Variants in DGKB observed in about 807,000 individuals in gnomAD.
DGKB encodes the protein diacylglycerol kinase beta.
DGKB carries 67 observed loss-of-function variants against 114.3 expected under a neutral mutation model. The ratio of observed to expected loss-of-function variants is 0.59; its 90% CI spans 0.48 to 0.72. DGKB has a LOEUF of 0.72. Among genes scored for constraint, DGKB ranks in the 30% least tolerant of loss-of-function variants. The pLI is 0.00. For synonymous variants in DGKB, 398 were observed against 323.1 expected (o/e 1.23, Z -2.49); for missense variants, 907 against 975.2 (o/e 0.93, Z 0.93).
At chr7:14,718,461 AT>A in intron 6 of DGKB, 80 bp downstream of exon 6, 5 of 1,300,450 alleles carry the variant, frequency 3.8e-6, no homozygotes, top group Non-Finnish European at 5.2e-6. Context: ...AACTATACTA[AT>A]GCAATTTTAA....
chr7:14,424,215 T>C (rs1460541675), intron 21 of DGKB, among the ~76,000 whole-genome samples: 1 of 152,076 alleles, frequency 6.6e-6, no homozygotes, highest in Non-Finnish European at 1.5e-5. Context: ...ACCTCTGCTC[T>C]TTTTCTGTCC....
intron 21 of DGKB, among the ~76,000 whole-genome samples, chr7:14,382,608 A>T (rs1819666134): frequency 6.6e-6 from 1 of 152,218 alleles, no homozygotes; most frequent in South Asian, 2.1e-4. Context: ...TTACTGCTGT[A>T]TTAAGGGTCA....
intron 1 of DGKB, among the ~76,000 whole-genome samples, chr7:14,917,444 C>A (rs1164821199): frequency 6.6e-6 from 1 of 151,956 alleles, no homozygotes; most frequent in Non-Finnish European, 1.5e-5. Context: ...AAATAGAGGT[C>A]ATCACTGATC....
intron 20 of DGKB, among the ~76,000 whole-genome samples, chr7:14,512,017 TATA>T (rs1788051525): frequency 6.6e-6 from 1 of 152,082 alleles, no homozygotes; most frequent in African/African-American, 2.4e-5. Context: ...CCAAAGCAGA[TATA>T]ATAATGAAAA....
intron 21 of DGKB, among the ~76,000 whole-genome samples, chr7:14,471,596 A>T (rs1466165236): frequency 1.3e-5 from 2 of 151,396 alleles, no homozygotes; most frequent in East Asian, 2.0e-4. Flanking sequence ...ATGTTAAAGA[A>T]TTTTTGTTTG....
chr7:14,508,356 G>A (rs1192654642), intron 20 of DGKB, among the ~76,000 whole-genome samples: 1 of 152,264 alleles, frequency 6.6e-6, no homozygotes, highest in Admixed American at 6.5e-5. Context: ...CGCATAAAAT[G>A]AATAGTACCT....
intron 13 of DGKB, among the ~76,000 whole-genome samples, chr7:14,653,574 T>G (rs1363831728): frequency 1.3e-5 from 2 of 151,874 alleles, no homozygotes; most frequent in African/African-American, 2.4e-5. Flanking sequence ...GTTAGTGGGT[T>G]CAGCGCACCA....
intron 25 of DGKB, chr7:14,176,426 G>A: frequency 1.0e-6 from 1 of 986,446 alleles, no homozygotes; most frequent in Non-Finnish European, 1.2e-6. Flanking sequence ...CCCAAATGGA[G>A]GCATAGAAAA....
intron 1 of DGKB, among the ~76,000 whole-genome samples, chr7:14,889,703 C>A (rs975303289): frequency 6.6e-6 from 1 of 151,368 alleles, no homozygotes; most frequent in South Asian, 2.1e-4. Context: ...TCTAAGCAAT[C>A]TAAAGTAGAA....
At chr7:14,905,901 A>G (rs1783680439), upstream of DGKB, among the ~76,000 whole-genome samples, 1 of 152,144 alleles carries the variant, frequency 6.6e-6, no homozygotes, top group African/African-American at 2.4e-5. Flanking sequence ...GGGTGTTTGA[A>G]TTCTTTTCGT....
chr7:14,725,042 T>C (rs2128369423), intron 5 of DGKB, among the ~76,000 whole-genome samples: 1 of 152,278 alleles, frequency 6.6e-6, no homozygotes, highest in South Asian at 2.1e-4. Flanking sequence ...TGGGGTGGCA[T>C]GCATTTGTAG....
At chr7:14,313,150 TA>T (rs1296375054) in intron 23 of DGKB, among the ~76,000 whole-genome samples, 8 of 152,214 alleles carry the variant, frequency 5.3e-5, no homozygotes, top group Non-Finnish European at 1.2e-4. Context: ...TGCCAAAGAA[TA>T]ATATCCAAAA....
chr7:14,852,487 C>CAAAAACAAAAAAACACAAAA (rs1554304205), intron 1 of DGKB, among the ~76,000 whole-genome samples: 8 of 63,636 alleles, frequency 1.3e-4, no homozygotes, highest in Non-Finnish European at 2.1e-4. Flanking sequence ...TAGTGAAAGT[C>CAAAAACAAAAAAACACAAAA]AAAAAAAAAA....
intron 23 of DGKB, among the ~76,000 whole-genome samples, chr7:14,230,854 C>T (rs1791613884): frequency 6.6e-6 from 1 of 151,974 alleles, no homozygotes; most frequent in Non-Finnish European, 1.5e-5. Context: ...GTCAAAGTAC[C>T]TCAGGGAAGT....
chr7:14,310,178 A>G (rs1805139174), intron 23 of DGKB, among the ~76,000 whole-genome samples: 3 of 152,196 alleles, frequency 2.0e-5, no homozygotes, highest in Non-Finnish European at 4.4e-5. Flanking sequence ...AATCCAAAGG[A>G]TGGACCACTG....
At chr7:14,499,871 CA>C (rs1785872812) in intron 20 of DGKB, among the ~76,000 whole-genome samples, 1 of 151,782 alleles carries the variant, frequency 6.6e-6, no homozygotes, top group Non-Finnish European at 1.5e-5. Context: ...AAACAAAAAA[CA>C]TAAGAACTGT....
At chr7:14,930,581 A>G (rs1784962662) in intron 1 of DGKB, among the ~76,000 whole-genome samples, 1 of 152,150 alleles carries the variant, frequency 6.6e-6, no homozygotes, top group African/African-American at 2.4e-5. Flanking sequence ...TGCTGAATTC[A>G]TTTATCAATA....
intron 5 of DGKB, among the ~76,000 whole-genome samples, chr7:14,723,587 A>G (rs1355631066): frequency 6.7e-6 from 1 of 149,506 alleles, no homozygotes; most frequent in Non-Finnish European, 1.5e-5. Context: ...GTGTGTGTAT[A>G]TACACATACA....
intron 20 of DGKB, among the ~76,000 whole-genome samples, chr7:14,505,963 A>G (rs983137360): frequency 2.0e-5 from 3 of 151,906 alleles, no homozygotes; most frequent in African/African-American, 7.3e-5. Context: ...ATTTTTTTTT[A>G]TAATTCTGCC....
Sources: gnomAD v4.1 joint callset for allele counts (sites outside exome capture counted in the v4.1 genomes callset) on GRCh38, gnomAD v4.1.1 for gene constraint, MANE v1.5 for transcripts, NCBI Gene and HGNC (gene_info 2026-07-23, HGNC 2026-07-21) for gene names.